RELN: variants seen among roughly 807,000 people sequenced by gnomAD.
RELN encodes the protein reelin.
In RELN, 108 loss-of-function variants were observed where a neutral mutation model predicts 427.6. The observed-to-expected ratio is 0.25, with a 90% CI of 0.22 to 0.30. The LOEUF (loss-of-function observed/expected upper bound fraction) is 0.30. Ranked by LOEUF, RELN falls within the 10% of genes least tolerant of loss-of-function variation. RELN has a pLI of 1.00. For missense variants in RELN, 3,715 were observed against 4,302.8 expected (o/e 0.86, Z 3.82); for synonymous variants, 1,524 against 1,513.4 (o/e 1.01, Z -0.16).
At position 103,779,788 on chromosome 7, in the gene RELN, C is replaced by T. The variant is rs572226497; in HGVS notation, c.474-3161G>A. On this transcript the variant is annotated intron_variant, in intron 3 of 64. Coordinates refer to ENST00000428762, the MANE Select transcript of RELN (RefSeq NM_005045.4). ...CTGTCGCCAAGCTGGAGTGCAGTGG[C>T]GTGATCTTGGCTCGCTGCAACCACC... Among the ~76,000 whole-genome samples the T allele has an allele frequency of 7.2e-5, 11 of 152,244 alleles. No individual in the cohort carries two copies. In the South Asian group the frequency reaches 1.0e-3, roughly 14 times the overall value.
At chr7:103,815,972 C>T (rs1385232522) in intron 3 of RELN, among the ~76,000 whole-genome samples, 1 of 152,278 alleles carries the variant, frequency 6.6e-6, no homozygotes, top group East Asian at 1.9e-4. Context: ...GCAAGTTAAA[C>T]TGTTATACGT....
In RELN at chr7:103,734,309, A is replaced by T. The variant is rs965696362; in HGVS notation, c.657-6102T>A. On this transcript the variant is annotated intron_variant, in intron 6 of 64. Coordinates refer to ENST00000428762, the MANE Select transcript of RELN (RefSeq NM_005045.4). ...AGGAATGTGACCTCTCAACCTAAGG[A>T]TCAGAAATGAATTGCTTCTCTGCCT... 3.9e-5 allele frequency among the ~76,000 whole-genome samples: 6 copies of T among 152,230 alleles called. No individual in the cohort carries two copies. The East Asian group carries it at 1.2e-3, about 29-fold the overall frequency.
intron 8 of RELN, among the ~76,000 whole-genome samples, chr7:103,713,934 A>G (rs571327693): frequency 2.0e-4 from 31 of 152,154 alleles, no homozygotes; most frequent in Non-Finnish European, 4.4e-4. Flanking sequence ...AAAATCCCTA[A>G]AAGTATTAGC....
intron 33 of RELN, among the ~76,000 whole-genome samples, chr7:103,566,007 A>C (rs925053936): frequency 6.6e-6 from 1 of 152,032 alleles, no homozygotes; most frequent in Non-Finnish European, 1.5e-5. Context: ...AACCTTACTC[A>C]TATCATTCAT....
rs1391560154 is a variant in RELN, at chr7:103,773,162, T to TTCTTTCTTTCTTTCTTTCTTTC, written c.544+3394_544+3395insGAAAGAAAGAAAGAAAGAAAGA. Among the ~76,000 whole-genome samples, 15 of 105,924 alleles carry TTCTTTCTTTCTTTCTTTCTTTC rather than the reference T, an allele frequency of 1.4e-4. 1 individual carries two copies. Among genetic ancestry groups the TTCTTTCTTTCTTTCTTTCTTTC allele is most frequent in the African/African-American group, 4.7e-4 (14 of 29,580 alleles). 69.5% of individuals were successfully genotyped at this position (105,924 alleles called of 152,430 possible). The stretch of plus-strand genomic sequence containing the variant: ...TTTCTTTCTTTCTTTCTTTCTTTCT[T>TTCTTTCTTTCTTTCTTTCTTTC]TCTTTTTCTTTCTTTCCTTCTTTCT... On this transcript the variant is annotated intron_variant, in intron 4 of 64. Transcript: ENST00000428762.
chr7:103,583,668 C>G (rs559359107), intron 28 of RELN, among the ~76,000 whole-genome samples: 1 of 152,206 alleles, frequency 6.6e-6, no homozygotes, highest in Non-Finnish European at 1.5e-5. Context: ...GGAGAGAATA[C>G]TAAAGACAAA....
intron 4 of RELN, among the ~76,000 whole-genome samples, chr7:103,774,086 A>G (rs1278706122): frequency 6.6e-6 from 1 of 152,058 alleles, no homozygotes; most frequent in East Asian, 1.9e-4. Flanking sequence ...ACCTGAGGTC[A>G]GGAGTTCAAG....
chr7:103,498,617 G>C (rs567050130), intron 53 of RELN, among the ~76,000 whole-genome samples: 1 of 152,010 alleles, frequency 6.6e-6, no homozygotes, highest in African/African-American at 2.4e-5. Flanking sequence ...TCTGCCTCCT[G>C]AGTAGCTGGG....
intron 28 of RELN, among the ~76,000 whole-genome samples, chr7:103,584,422 G>A (rs969428820): frequency 2.0e-5 from 3 of 152,262 alleles, no homozygotes; most frequent in Middle Eastern, 3.4e-3. Context: ...CTACACTCAT[G>A]TAAGATAAAA....
intron 1 of RELN, among the ~76,000 whole-genome samples, chr7:103,964,892 T>C (rs2116801364): frequency 6.6e-6 from 1 of 152,212 alleles, no homozygotes; most frequent in South Asian, 2.1e-4. Context: ...GCATGTCAGC[T>C]CCCCCAGTTA....
chr7:103,671,692 A>C (rs1011355302), intron 11 of RELN, among the ~76,000 whole-genome samples: 1 of 152,178 alleles, frequency 6.6e-6, no homozygotes, highest in African/African-American at 2.4e-5. Flanking sequence ...TACAGTATGC[A>C]AAGTGTTATT....
chr7:103,871,584 A>C (rs1400380298), intron 2 of RELN, among the ~76,000 whole-genome samples: 1 of 152,130 alleles, frequency 6.6e-6, no homozygotes, highest in African/African-American at 2.4e-5. Context: ...GTTTACTGGC[A>C]TACTGCAGAC....
At chr7:103,631,326 C>T (rs1055517224) in intron 19 of RELN, among the ~76,000 whole-genome samples, 3 of 102,080 alleles carry the variant, frequency 2.9e-5, no homozygotes, top group East Asian at 3.3e-4. Context: ...TGGAGTCTTG[C>T]GCTGTTGCCC....
chr7:103,500,144 C>T (rs1305820813), intron 53 of RELN, among the ~76,000 whole-genome samples: 3 of 152,068 alleles, frequency 2.0e-5, no homozygotes, highest in Non-Finnish European at 4.4e-5. Context: ...TATGTTTATT[C>T]ACAGAAATAG....
At chr7:103,621,151 A>G (rs533155285) in intron 20 of RELN, among the ~76,000 whole-genome samples, 2 of 152,326 alleles carry the variant, frequency 1.3e-5, no homozygotes, top group South Asian at 4.1e-4. Context: ...CATGTTAAAT[A>G]TAAGTATTTT....
At chr7:103,675,398 A>G (rs992818778) in intron 11 of RELN, among the ~76,000 whole-genome samples, 5 of 152,250 alleles carry the variant, frequency 3.3e-5, no homozygotes, top group African/African-American at 1.2e-4. Context: ...GGACACAAAC[A>G]AATGGAAGAA....
intron 50 of RELN, chr7:103,513,993 A>C (rs1294139642): frequency 6.6e-6 from 1 of 152,206 alleles, no homozygotes; most frequent in Admixed American, 6.5e-5. Flanking sequence ...CTAAAATTAA[A>C]AATTTTTAAA....
chr7:103,743,550 A>T (rs901337197), intron 6 of RELN, among the ~76,000 whole-genome samples: 2 of 152,238 alleles, frequency 1.3e-5, no homozygotes, highest in Admixed American at 1.3e-4. Flanking sequence ...TAGGCTCAAA[A>T]TAAAGGGATG....
chr7:103,516,613 T>C (rs1401444094), intron 49 of RELN, among the ~76,000 whole-genome samples: 1 of 149,412 alleles, frequency 6.7e-6, no homozygotes, highest in African/African-American at 2.5e-5. Flanking sequence ...TTTTAATCTA[T>C]GCTAATCTAC....
Sources: gnomAD v4.1 joint callset for allele counts (sites outside exome capture counted in the v4.1 genomes callset) on GRCh38, gnomAD v4.1.1 for gene constraint, MANE v1.5 for transcripts, NCBI Gene and HGNC (gene_info 2026-07-23, HGNC 2026-07-21) for gene names.